Variants in MDN1 observed in about 807,000 individuals in gnomAD.
MDN1 encodes midasin AAA ATPase 1, also known as midasin.
A neutral mutation model predicts 669.2 loss-of-function variants in MDN1; 266 were observed. That is an observed-to-expected ratio of 0.40 (90% CI 0.36 to 0.44). MDN1 has a LOEUF of 0.44. Ranked by LOEUF, MDN1 falls within the 20% of genes least tolerant of loss-of-function variation. The probability of loss-of-function intolerance (pLI) is 1.00; values close to 1 mark genes in which losing one functional copy is unlikely to be tolerated. For missense variants in MDN1, 5,940 were observed against 6,754.0 expected (o/e 0.88, Z 4.22); for synonymous variants, 2,385 against 2,457.1 (o/e 0.97, Z 0.87).
chr6:89,716,307 C>A (rs1399577685), intron 44 of MDN1, among the ~76,000 whole-genome samples: 1 of 152,054 alleles, frequency 6.6e-6, no homozygotes, highest in African/African-American at 2.4e-5. Context: ...TGTGTCAGAC[C>A]CTGCATTAGA....
Position 89,732,636 on chromosome 6 carries a change from C to T in MDN1, c.4863G>A (p.Leu1621=), listed in dbSNP as rs1241526373. 2 of 1,614,082 alleles carry T rather than the reference C, an allele frequency of 1.2e-6. No individual in the cohort carries two copies. The highest frequency in any genetic ancestry group is 2.2e-5 in the East Asian group (1 of 44,882). ...CAGTGGAGATGATCTCTGGCCTTTT[C>T]AAAGCAGCTTCCTCCCCCATTTTGT... The part of the protein sequence containing the change: ...FMNKMGEEAA[L]KRPEIISTVT... Residue 1621 remains leucine, a synonymous_variant, in exon 34 of 102, where the codon TTG becomes TTA. Transcript: ENST00000369393.
chr6:89,744,104 A>T (rs1372911120), intron 29 of MDN1, among the ~76,000 whole-genome samples: 2 of 116,624 alleles, frequency 1.7e-5, no homozygotes, highest in South Asian at 3.5e-4. Flanking sequence ...ATGCCTTCTT[A>T]AAAAAAAAAA....
At chr6:89,715,391 T>C (rs997388867) in intron 45 of MDN1, among the ~76,000 whole-genome samples, 1 of 152,176 alleles carries the variant, frequency 6.6e-6, no homozygotes, top group African/African-American at 2.4e-5. Flanking sequence ...AAAAGGATCA[T>C]GACTGGTATC....
chr6:89,690,194 T>A, intron 64 of MDN1, 51 bp from the exon 65 acceptor site: 1 of 1,560,312 alleles, frequency 6.4e-7, no homozygotes, highest in Non-Finnish European at 8.7e-7. Context: ...AATCTACTTC[T>A]AATCAGACTA....
rs1056825697 is a variant in MDN1 at position 89,700,939 on chromosome 6, T to C, written c.8428-83A>G. 2.5e-5 allele frequency: 28 copies of C among 1,115,466 alleles called. No individual in the cohort carries two copies. In the Middle Eastern group the frequency reaches 8.6e-4, roughly 34 times the overall value. The allele number at this position is 1,115,466 out of a possible 1,614,324, so 69.1% of individuals were successfully genotyped here. A position where few individuals can be genotyped will look rare whatever the true frequency, so the allele number is the denominator to read the frequency against. On this transcript the variant is annotated intron_variant, in intron 55 of 101. Transcript: ENST00000369393. ...TAGCCTATACAGGTCTCAGAATAAA[T>C]TTATGATATATTCTTAATGTTTCCA...
intron 9 of MDN1, among the ~76,000 whole-genome samples, chr6:89,782,678 C>G (rs185334021): frequency 2.0e-5 from 3 of 151,580 alleles, no homozygotes; most frequent in Admixed American, 2.0e-4. Flanking sequence ...TGGTGGCTCA[C>G]GCCTGTGATC....
In MDN1 at chr6:89,692,678, G is replaced by C; in HGVS notation, c.10352C>G (p.Thr3451Ser). Residue 3451 changes from threonine (T) to serine (S), a missense_variant, in exon 63 of 102, where the codon ACT becomes AGT. By Grantham distance (58) the Thr-to-Ser change is moderately conservative. Transcript: ENST00000369393. The stretch of plus-strand genomic sequence containing the variant: ...CAAAGTGTCTGCATGAGCATAGTAA[G>C]TCGGGAAGGTGGGGCCCACCGATGG... Reference protein sequence around the residue: ...AFPSVGPTFPTYYAHADTLCS... With the variant: ...AFPSVGPTFPSYYAHADTLCS... 1 of 1,614,194 alleles carries C rather than the reference G, an allele frequency of 6.2e-7. No individual in the cohort carries two copies. Among genetic ancestry groups the C allele is most frequent in the South Asian group, 1.1e-5 (1 of 91,076 alleles).
At position 89,697,897 on chromosome 6, in the gene MDN1, A is replaced by T. The variant is rs181905515; in HGVS notation, c.9168+968T>A. ...GCGCCTGACCAACACAATTTTTTTTAAAAAAAAGCACAACTATGACTCGAA... is the reference window on the plus strand; with the variant it reads ...GCGCCTGACCAACACAATTTTTTTTTAAAAAAAGCACAACTATGACTCGAA... On this transcript the variant is annotated intron_variant, in intron 59 of 101. Transcript: ENST00000369393. Among the ~76,000 whole-genome samples the T allele has an allele frequency of 1.9e-3, 286 of 151,996 alleles. 3 individuals carry two copies. The highest frequency in any genetic ancestry group is 5.2e-3 in the African/African-American group (215 of 41,448).
intron 72 of MDN1, 72 bp from the exon 73 acceptor site, chr6:89,683,402 T>C: frequency 1.6e-6 from 2 of 1,224,180 alleles, no homozygotes; most frequent in South Asian, 2.6e-5. Context: ...AAAAAATACA[T>C]TATCATGCAT....
At chr6:89,680,848 C>A in intron 73 of MDN1, 97 bp from the exon 74 acceptor site, 1 of 1,301,336 alleles carries the variant, frequency 7.7e-7, no homozygotes, top group Non-Finnish European at 1.0e-6. Context: ...AAAACACATC[C>A]CTAGTTCAGC....
chr6:89,748,600 A>C (rs1332442899), intron 26 of MDN1, among the ~76,000 whole-genome samples: 2 of 152,070 alleles, frequency 1.3e-5, no homozygotes, highest in East Asian at 3.9e-4. Context: ...AAAACCAAAA[A>C]CCAGTTTTCC....
At chr6:89,685,400 C>CTTTT in intron 70 of MDN1, among the ~76,000 whole-genome samples, 1 of 152,172 alleles carries the variant, frequency 6.6e-6, no homozygotes, top group Non-Finnish European at 1.5e-5. Flanking sequence ...TGTAGTGAGA[C>CTTTT]TTTTATCCCA....
chr6:89,751,382 T>C lies in MDN1; in HGVS notation c.3227+49A>G, dbSNP rs780067796. ...GGAAGTTAGACCAAAATGTCATCAATGCCTATGCCTGTATCAAGTTCGGGG... is the reference window on the plus strand; with the variant it reads ...GGAAGTTAGACCAAAATGTCATCAACGCCTATGCCTGTATCAAGTTCGGGG... On this transcript the variant is annotated intron_variant, in intron 23 of 101. Transcript: ENST00000369393. 34 of 1,604,698 alleles carry C rather than the reference T, an allele frequency of 2.1e-5. 1 individual carries two copies. The East Asian group carries it at 6.9e-4, about 33-fold the overall frequency.
rs768843454 is a variant in MDN1 at position 89,695,621 on chromosome 6, T to C, written c.9755A>G (p.Asn3252Ser). Residue 3252 changes from asparagine (N) to serine (S), a missense_variant, in exon 61 of 102, where the codon AAT becomes AGT. By Grantham distance (46) the Asn-to-Ser change is conservative. Transcript: ENST00000369393. The surrounding 1 kb of genome is among the most constrained non-coding windows in gnomAD (Gnocchi z 4.1). ...DPAVKREYKL[N>S]YVKEELHQLQ... ...CTCCCATACCTCTTCCTTGACGTAA[T>C]TGAGCTTGTACTCCCTCTTCACCGC... 9.4e-6 allele frequency: 15 copies of C among 1,597,748 alleles called. No homozygotes were observed. Among genetic ancestry groups the C allele is most frequent in the Non-Finnish European group, 1.3e-5 (15 of 1,168,160 alleles).
chr6:89,771,184 G>A (rs1014977188), intron 15 of MDN1, among the ~76,000 whole-genome samples: 1 of 152,152 alleles, frequency 6.6e-6, no homozygotes, highest in Non-Finnish European at 1.5e-5. Context: ...AAGACCAGAA[G>A]AATGACTGAT....
At chr6:89,744,365 G>A (rs1430266201) in intron 29 of MDN1, among the ~76,000 whole-genome samples, 1 of 152,068 alleles carries the variant, frequency 6.6e-6, no homozygotes. Context: ...AGGATCACTT[G>A]GGCCCAGGAG....
rs374582290 is a variant in MDN1 at position 89,662,158 on chromosome 6, C to T, written c.14494G>A (p.Glu4832Lys). The T allele has an allele frequency of 1.1e-4, 184 of 1,614,090 alleles. No individual in the cohort carries two copies. In the Middle Eastern group the frequency reaches 1.5e-3, roughly 13 times the overall value. ...NKDKSQQDKK[E>K]EKEEAEADDG... is the part of the protein sequence containing the mutation. Reference sequence around the variant, plus strand: ...TCAGCTTCTGCTTCTTCCTTTTCTTCCTTCTTATCTTGCTGGCTTTTATCT... The same window carrying T: ...TCAGCTTCTGCTTCTTCCTTTTCTTTCTTCTTATCTTGCTGGCTTTTATCT... The change falls in exon 87 of 102, where the codon GAA (glutamate) becomes AAA (lysine). Residue 4832 changes from glutamate (E) to lysine (K), a missense_variant. Physicochemically the swap from Glu to Lys is moderately conservative, Grantham distance 56. This residue lies in a region of MDN1 where 2,280 missense variants were observed against 2,576.3 expected (regional missense o/e 0.88). Coordinates refer to ENST00000369393, the MANE Select transcript of MDN1 (RefSeq NM_014611.3).
chr6:89,790,623 T>C (rs1246282069), intron 5 of MDN1, among the ~76,000 whole-genome samples: 1 of 152,148 alleles, frequency 6.6e-6, no homozygotes, highest in Admixed American at 6.5e-5. Context: ...GGCAGTATCA[T>C]TTCATCCCAG....
intron 88 of MDN1, among the ~76,000 whole-genome samples, chr6:89,660,943 A>G (rs1384859665): frequency 6.6e-6 from 1 of 152,194 alleles, no homozygotes; most frequent in Non-Finnish European, 1.5e-5. Context: ...TGAAAAATGG[A>G]CAACAAAGGC....
Sources: allele counts gnomAD v4.1 joint callset (sites outside exome capture counted in the v4.1 genomes callset), GRCh38; gene constraint gnomAD v4.1.1; regional missense constraint gnomAD v4.1.1; non-coding constraint Gnocchi (gnomAD v3.1); transcripts MANE v1.5; gene names NCBI Gene and HGNC (gene_info 2026-07-23, HGNC 2026-07-21).